OPCML: variants seen among roughly 807,000 people sequenced by gnomAD.
The protein encoded by OPCML is opioid binding protein/cell adhesion molecule like.
Under a neutral mutation model 37.8 loss-of-function variants are expected in OPCML, and 13 were observed. That is an observed-to-expected ratio of 0.34 (90% CI 0.22 to 0.55). The LOEUF (loss-of-function observed/expected upper bound fraction) is 0.55. Ranked by LOEUF, OPCML falls within the 20% of genes least tolerant of loss-of-function variation. The pLI is 0.91. For missense variants in OPCML, 341 were observed against 435.6 expected, an observed-to-expected ratio of 0.78 and a Z score of 1.93; for synonymous variants, 176 against 168.8, an observed-to-expected ratio of 1.04 and a Z score of -0.33.
chr11:132,529,158 T>G lies in OPCML; in HGVS notation c.408A>C (p.Ser136=). 6.2e-7 allele frequency: 1 copy of G among 1,612,396 alleles called. No homozygotes were observed. Among genetic ancestry groups the G allele is most frequent in the South Asian group, 1.1e-5 (1 of 90,622 alleles). Residue 136 remains serine (S), a synonymous_variant, in exon 4 of 8, where the codon TCA becomes TCC. Transcript: ENST00000524381. The part of the protein sequence containing the change: ...QVPPQIMNIS[S]DITVNEGSSV... ...TGCTTCCCTCATTCACAGTGATGTC[T>G]GAGGAGATATTCATGATCTGAGGAG...
chr11:132,508,897 T>C (rs190383762), intron 4 of OPCML, among the ~76,000 whole-genome samples: 41 of 152,294 alleles, frequency 2.7e-4, no homozygotes, highest in African/African-American at 9.6e-4. Context: ...GCTGAAAAGA[T>C]ACATGAAAAT....
chr11:133,127,437 C>G (rs1232421718), intron 1 of OPCML, among the ~76,000 whole-genome samples: 1 of 151,942 alleles, frequency 6.6e-6, no homozygotes, highest in Non-Finnish European at 1.5e-5. Flanking sequence ...AGTTCAAGAT[C>G]AGCCCGGCAA....
At chr11:132,981,878 A>C (rs1049987462) in intron 1 of OPCML, among the ~76,000 whole-genome samples, 4 of 152,312 alleles carry the variant, frequency 2.6e-5, no homozygotes, top group Admixed American at 6.5e-5. Flanking sequence ...TCACATTTTC[A>C]TCATATTTGA....
At chr11:133,267,656 C>A (rs1335759557) in intron 1 of OPCML, among the ~76,000 whole-genome samples, 1 of 152,106 alleles carries the variant, frequency 6.6e-6, no homozygotes, top group Non-Finnish European at 1.5e-5. Context: ...TTCTGTGTCC[C>A]TACCCAAATC....
intron 2 of OPCML, among the ~76,000 whole-genome samples, chr11:132,794,364 C>T (rs1938157490): frequency 6.6e-6 from 1 of 152,206 alleles, no homozygotes; most frequent in Admixed American, 6.5e-5. Flanking sequence ...GGAGTTCCAG[C>T]TGCCGGGCCT....
chr11:133,359,981 G>A (rs1944377986), intron 1 of OPCML: 3 of 152,188 alleles, frequency 2.0e-5, no homozygotes, highest in Non-Finnish European at 4.4e-5. Flanking sequence ...TGTACACCTG[G>A]CACTATTGAA....
intron 1 of OPCML, among the ~76,000 whole-genome samples, chr11:133,315,311 C>T (rs773758483): frequency 3.9e-5 from 6 of 151,940 alleles, no homozygotes; most frequent in Non-Finnish European, 8.8e-5. Context: ...ACTTGAGTGC[C>T]GCAAACTCAT....
At chr11:132,969,591 T>C (rs763249027) in intron 1 of OPCML, among the ~76,000 whole-genome samples, 2 of 152,250 alleles carry the variant, frequency 1.3e-5, no homozygotes, top group Non-Finnish European at 2.9e-5. Context: ...CTTGTGGCTC[T>C]GTTCACTTTT....
intron 3 of OPCML, among the ~76,000 whole-genome samples, chr11:132,552,761 C>CTATTTTTTTTTTTTTTTTTTTT (rs2096384944): frequency 1.5e-5 from 1 of 67,476 alleles, no homozygotes; most frequent in Non-Finnish European, 2.6e-5. Context: ...TTAAACACTA[C>CTATTTTTTTTTTTTTTTTTTTT]TCTTTTTTTT....
intron 4 of OPCML, among the ~76,000 whole-genome samples, chr11:132,469,414 CGT>C (rs1249613725): frequency 2.1e-5 from 3 of 143,500 alleles, no homozygotes; most frequent in African/African-American, 5.2e-5. Flanking sequence ...TGTGGGGGTG[CGT>C]GTGTATGTGT....
At chr11:132,858,825 T>C (rs960371181) in intron 2 of OPCML, among the ~76,000 whole-genome samples, 1 of 152,194 alleles carries the variant, frequency 6.6e-6, no homozygotes. Flanking sequence ...ATTCAATGGG[T>C]CCTTGTGATT....
chr11:133,491,349 G>T (rs1253479952), intron 1 of OPCML, among the ~76,000 whole-genome samples: 1 of 152,096 alleles, frequency 6.6e-6, no homozygotes, highest in Non-Finnish European at 1.5e-5. Flanking sequence ...CTCATTTTTG[G>T]AAGGCACCAC....
chr11:132,585,201 C>G (rs1279572553), intron 3 of OPCML, among the ~76,000 whole-genome samples: 1 of 152,062 alleles, frequency 6.6e-6, no homozygotes, highest in African/African-American at 2.4e-5. Context: ...GTCACTCTGT[C>G]TCATTCGTGA....
At chr11:133,114,568 T>C (rs762759000) in intron 1 of OPCML, among the ~76,000 whole-genome samples, 1 of 152,168 alleles carries the variant, frequency 6.6e-6, no homozygotes, top group Non-Finnish European at 1.5e-5. Flanking sequence ...CAGATTACCT[T>C]CAAAACTTGC....
intron 2 of OPCML, among the ~76,000 whole-genome samples, chr11:132,925,499 A>G (rs568477700): frequency 6.6e-6 from 1 of 152,214 alleles, no homozygotes; most frequent in South Asian, 2.1e-4. Context: ...ACGCCTTTTC[A>G]CCCTGAGAAC....
At chr11:132,551,276 T>C (rs982412668) in intron 3 of OPCML, among the ~76,000 whole-genome samples, 12 of 152,302 alleles carry the variant, frequency 7.9e-5, no homozygotes, top group African/African-American at 2.6e-4. Context: ...AAAATTGTAA[T>C]TGAGACAGTG....
At chr11:132,451,057 A>G (rs2096067313) in intron 4 of OPCML, among the ~76,000 whole-genome samples, 1 of 152,200 alleles carries the variant, frequency 6.6e-6, no homozygotes, top group African/African-American at 2.4e-5. Context: ...GAATCTCATG[A>G]GAAGAGACAA....
intron 2 of OPCML, among the ~76,000 whole-genome samples, chr11:132,829,245 C>T (rs1196790576): frequency 3.3e-5 from 5 of 152,108 alleles, no homozygotes; most frequent in Admixed American, 1.3e-4. Flanking sequence ...CTAACTCAAA[C>T]GGAAACTGGA....
intron 3 of OPCML, among the ~76,000 whole-genome samples, chr11:132,547,141 A>G: frequency 6.6e-6 from 1 of 152,176 alleles, no homozygotes; most frequent in East Asian, 1.9e-4. Flanking sequence ...CTTGGCACAT[A>G]CTCAGTGGGG....
Sources: allele counts gnomAD v4.1 joint callset (sites outside exome capture counted in the v4.1 genomes callset), GRCh38; gene constraint gnomAD v4.1.1; transcripts MANE v1.5; gene names NCBI Gene and HGNC (gene_info 2026-07-23, HGNC 2026-07-21).